LRBA: variants seen among roughly 807,000 people sequenced by gnomAD.
The protein encoded by LRBA is LPS responsive beige-like anchor protein, also known as lipopolysaccharide-responsive and beige-like anchor protein.
Under a neutral mutation model 330.0 loss-of-function variants are expected in LRBA, and 176 were observed. That is an observed-to-expected ratio of 0.53 (90% CI 0.47 to 0.60). The LOEUF (loss-of-function observed/expected upper bound fraction) is 0.60. Among genes scored for constraint, LRBA ranks in the 20% least tolerant of loss-of-function variants. The probability of loss-of-function intolerance (pLI) is 0.00; values close to 1 mark genes in which losing one functional copy is unlikely to be tolerated. For missense variants in LRBA, 3,259 were observed against 3,444.8 expected (o/e 0.95, Z 1.35); for synonymous variants, 1,230 against 1,193.0 (o/e 1.03, Z -0.64).
chr4:150,537,746 T>C (rs1191692553), intron 40 of LRBA, among the ~76,000 whole-genome samples: 2 of 151,952 alleles, frequency 1.3e-5, no homozygotes, highest in East Asian at 3.9e-4. Flanking sequence ...AGGTCAGCAG[T>C]TGCTCAGGAC....
chr4:150,844,856 C>T, intron 26 of LRBA, 77 bp from the exon 27 acceptor site: 1 of 1,129,542 alleles, frequency 8.9e-7, no homozygotes, highest in Non-Finnish European at 1.3e-6. Flanking sequence ...ACATCAACTA[C>T]ACAATATGAT....
chr4:150,507,407 C>A (rs1207057182), intron 40 of LRBA, among the ~76,000 whole-genome samples: 1 of 151,892 alleles, frequency 6.6e-6, no homozygotes, highest in Non-Finnish European at 1.5e-5. Flanking sequence ...AGAACAGAGC[C>A]CTCAGAAATA....
At chr4:150,874,791 C>T (rs776247365) in intron 17 of LRBA, among the ~76,000 whole-genome samples, 2 of 151,984 alleles carry the variant, frequency 1.3e-5, no homozygotes, top group Non-Finnish European at 2.9e-5. Context: ...ACTGACGCAC[C>T]CACTCCCACG....
intron 40 of LRBA, among the ~76,000 whole-genome samples, chr4:150,585,362 G>A (rs962713066): frequency 2.0e-5 from 3 of 152,054 alleles, no homozygotes; most frequent in Non-Finnish European, 4.4e-5. Context: ...TTCTGAAACT[G>A]CTTATATGCA....
At chr4:150,694,843 T>C (rs955331370) in intron 36 of LRBA, among the ~76,000 whole-genome samples, 1 of 152,174 alleles carries the variant, frequency 6.6e-6, no homozygotes, top group Non-Finnish European at 1.5e-5. Context: ...TTTAAATAAT[T>C]TGAAGATTAA....
At chr4:150,274,513 G>T (rs758802840) in intron 56 of LRBA, among the ~76,000 whole-genome samples, 3 of 151,962 alleles carry the variant, frequency 2.0e-5, no homozygotes, top group Non-Finnish European at 4.4e-5. Context: ...CCAGGAGCTG[G>T]TTTTTTTGAA....
At chr4:150,771,865 G>A (rs1476018957) in intron 34 of LRBA, among the ~76,000 whole-genome samples, 1 of 152,126 alleles carries the variant, frequency 6.6e-6, no homozygotes, top group African/African-American at 2.4e-5. Context: ...AGGCTGACTA[G>A]TATCCACAGA....
chr4:150,808,090 A>T (rs1224830248), intron 32 of LRBA, among the ~76,000 whole-genome samples: 4 of 152,160 alleles, frequency 2.6e-5, no homozygotes, highest in African/African-American at 9.7e-5. Context: ...ACTTCTCATG[A>T]AGTGACTTGT....
rs17633191 is a variant in LRBA at position 150,936,401 on chromosome 4, C to T, written c.217-7336G>A. On this transcript the variant is annotated intron_variant, in intron 2 of 56. Coordinates refer to ENST00000651943, the MANE Select transcript of LRBA (RefSeq NM_001364905.1). Reference sequence around the variant, plus strand: ...ATTTTAGCAGTAGAAAGGTCTGGTCCAGGTCCAAGAACACCAGTATTCTCA... The same window carrying T: ...ATTTTAGCAGTAGAAAGGTCTGGTCTAGGTCCAAGAACACCAGTATTCTCA... Among the ~76,000 whole-genome samples the T allele has an allele frequency of 7.7e-3, 1,163 of 151,914 alleles. 52 individuals carry two copies. The highest frequency in any genetic ancestry group is 0.066 in the Admixed American group (1,009 of 15,246).
chr4:150,848,922 CTAA>C lies in LRBA; in HGVS notation c.4232_4234del (p.Ile1411del). The C allele has an allele frequency of 6.2e-7, 1 of 1,612,648 alleles. No individual in the cohort carries two copies. The highest frequency in any genetic ancestry group is 8.5e-7 in the Non-Finnish European group (1 of 1,179,194). ...TGCAAATATAAGCACATCCACAAGG[CTAA>C]TTAGCCTCTGCAAAAATGTCACAGA... On this transcript the variant is annotated inframe_deletion, in exon 26 of 57. Coordinates refer to ENST00000651943, the MANE Select transcript of LRBA (RefSeq NM_001364905.1).
chr4:150,894,123 G>C (rs563157081), intron 16 of LRBA, among the ~76,000 whole-genome samples: 21 of 152,046 alleles, frequency 1.4e-4, no homozygotes, highest in African/African-American at 4.8e-4. Context: ...TGTGGGGAAG[G>C]GTTATTCTCT....
At chr4:150,663,398 G>C (rs925341191) in intron 37 of LRBA, among the ~76,000 whole-genome samples, 7 of 152,136 alleles carry the variant, frequency 4.6e-5, no homozygotes, top group African/African-American at 1.7e-4. Context: ...GCACAAAAGA[G>C]TATCATTTCC....
chr4:150,582,888 G>A (rs1771574097), intron 40 of LRBA: 1 of 987,382 alleles, frequency 1.0e-6, no homozygotes, highest in Non-Finnish European at 1.5e-6. Flanking sequence ...GTCAGCCCAG[G>A]TGGAAAACGA....
At chr4:150,902,915 G>A (rs931516982) in intron 13 of LRBA, among the ~76,000 whole-genome samples, 3 of 152,150 alleles carry the variant, frequency 2.0e-5, no homozygotes, top group Non-Finnish European at 4.4e-5. Flanking sequence ...CCACTGTAGG[G>A]AAACCTTTTG....
At chr4:150,936,051 A>T (rs1330772860) in intron 2 of LRBA, among the ~76,000 whole-genome samples, 1 of 151,350 alleles carries the variant, frequency 6.6e-6, no homozygotes, top group Admixed American at 6.6e-5. Context: ...TCAATTCACA[A>T]AAAAAAAATC....
At chr4:151,002,196 CA>C (rs143587760) in intron 2 of LRBA, among the ~76,000 whole-genome samples, 54 of 24,406 alleles carry the variant, frequency 2.2e-3, no homozygotes, top group African/African-American at 5.9e-3. Context: ...CATAAAACAG[CA>C]AAAAAAAAAA....
At chr4:150,770,304 C>T (rs1167430054) in intron 34 of LRBA, among the ~76,000 whole-genome samples, 1 of 152,054 alleles carries the variant, frequency 6.6e-6, no homozygotes, top group African/African-American at 2.4e-5. Flanking sequence ...GAGCCAATCC[C>T]TCATAATAAA....
chr4:150,350,154 C>A lies in LRBA; in HGVS notation c.7200G>T (p.Leu2400=), dbSNP rs1487787798. 6.4e-7 allele frequency: 1 copy of A among 1,564,846 alleles called. No individual in the cohort carries two copies. Among genetic ancestry groups the A allele is most frequent in the South Asian group, 1.2e-5 (1 of 82,932 alleles). The change falls in exon 48 of 57, where the codon CTG becomes CTT. Residue 2400 remains leucine (L), a synonymous_variant. Coordinates refer to ENST00000651943, the MANE Select transcript of LRBA (RefSeq NM_001364905.1). ...GCTGGCAGGAAACAAATTCACTCTC[C>A]AGGGCCTGAAAAAAGGTATACATTG... ...EEFVHINRLA[L]ESEFVSCQLH...
intron 37 of LRBA, among the ~76,000 whole-genome samples, chr4:150,649,855 A>G (rs2126763748): frequency 6.6e-6 from 1 of 152,308 alleles, no homozygotes; most frequent in Non-Finnish European, 1.5e-5. Flanking sequence ...TCCAAGATGA[A>G]GTATCATTCA....
Sources: gnomAD v4.1 joint callset for allele counts (sites outside exome capture counted in the v4.1 genomes callset) on GRCh38, gnomAD v4.1.1 for gene constraint, MANE v1.5 for transcripts, NCBI Gene and HGNC (gene_info 2026-07-23, HGNC 2026-07-21) for gene names.